ADK: variants seen among roughly 807,000 people sequenced by gnomAD.
ADK encodes the protein adenosine kinase.
A neutral mutation model predicts 44.7 loss-of-function variants in ADK; 24 were observed. The observed-to-expected ratio is 0.54, with a 90% CI of 0.39 to 0.76. The LOEUF (loss-of-function observed/expected upper bound fraction) is 0.76, where lower values mean the gene tolerates loss of function less well. Ranked by LOEUF, ADK falls within the 30% of genes least tolerant of loss-of-function variation. ADK has a pLI of 0.00. For synonymous variants in ADK, 128 were observed against 142.6 expected (o/e 0.90, Z 0.73); for missense variants, 321 against 425.1 (o/e 0.76, Z 2.15).
At chr10:74,178,127 G>A (rs994207470) in intron 1 of ADK, among the ~76,000 whole-genome samples, 5 of 151,946 alleles carry the variant, frequency 3.3e-5, no homozygotes, top group African/African-American at 9.7e-5. Context: ...TTTTAGTAGA[G>A]ATGGGGGTTT....
chr10:74,661,556 C>T (rs1259910676), intron 9 of ADK, among the ~76,000 whole-genome samples: 2 of 152,178 alleles, frequency 1.3e-5, no homozygotes, highest in Non-Finnish European at 2.9e-5. Flanking sequence ...TGTATCAAAT[C>T]CAAACTTTTG....
At chr10:74,541,947 G>A (rs186533809) in intron 7 of ADK, among the ~76,000 whole-genome samples, 50 of 152,062 alleles carry the variant, frequency 3.3e-4, no homozygotes, top group Admixed American at 8.5e-4. Context: ...TCACTTCAAA[G>A]TTACTATTTC....
chr10:74,668,882 C>CA (rs1157473095), intron 9 of ADK, among the ~76,000 whole-genome samples: 59 of 150,934 alleles, frequency 3.9e-4, no homozygotes, highest in Non-Finnish European at 7.4e-4. Flanking sequence ...ACCCGCCCCC[C>CA]AAAAAAAAGC....
chr10:74,537,468 A>ATTCTACAC (rs1307392237), intron 7 of ADK, among the ~76,000 whole-genome samples: 1 of 152,234 alleles, frequency 6.6e-6, no homozygotes, highest in Admixed American at 6.5e-5. Context: ...AATAAAGGAC[A>ATTCTACAC]TTCTACACAA....
chr10:74,329,372 C>T (rs1047129208), intron 4 of ADK, among the ~76,000 whole-genome samples: 1 of 152,126 alleles, frequency 6.6e-6, no homozygotes, highest in Admixed American at 6.6e-5. Context: ...CAAGTATGAA[C>T]TTGGGACTGT....
intron 2 of ADK, among the ~76,000 whole-genome samples, chr10:74,216,612 C>G (rs541037066): frequency 6.6e-6 from 1 of 151,304 alleles, no homozygotes; most frequent in South Asian, 2.1e-4. Flanking sequence ...GTAGTCCCAG[C>G]TATTTTGGGG....
intron 7 of ADK, among the ~76,000 whole-genome samples, chr10:74,547,029 T>G (rs1294062147): frequency 6.6e-6 from 1 of 152,206 alleles, no homozygotes; most frequent in Non-Finnish European, 1.5e-5. Flanking sequence ...CCACACATTT[T>G]TATTTGTTTT....
rs138194207 is a variant in ADK at position 74,225,691 on chromosome 10, A to G, written c.194+1100A>G. On this transcript the variant is annotated intron_variant, in intron 3 of 10. Coordinates refer to ENST00000539909, the MANE Select transcript of ADK (RefSeq NM_006721.4). The stretch of plus-strand genomic sequence containing the variant: ...GTTCTTACCGTTTACACATTCCACT[A>G]TTATGCTAACCTTTCATCAGTATTT... 1.2e-4 allele frequency among the ~76,000 whole-genome samples: 19 copies of G among 152,332 alleles called. No individual in the cohort carries two copies. The East Asian group carries it at 3.7e-3, about 29-fold the overall frequency.
intron 4 of ADK, among the ~76,000 whole-genome samples, chr10:74,386,182 T>C (rs1167999134): frequency 2.0e-5 from 3 of 152,280 alleles, no homozygotes; most frequent in South Asian, 2.1e-4. Flanking sequence ...AGTCTGCTTG[T>C]TGCTGTTTCT....
rs993028412 is a variant in ADK at position 74,471,949 on chromosome 10, T to C, written c.556-53307T>C. 2.0e-5 allele frequency among the ~76,000 whole-genome samples: 3 copies of C among 152,334 alleles called. 1 individual carries two copies. The Middle Eastern group carries it at 0.01, about 518-fold the overall frequency. ...TTTATACATACAAGATTGTGTTATCTAAAGAAATAATTCTACTTCTCTGTT... is the reference window on the plus strand; with the variant it reads ...TTTATACATACAAGATTGTGTTATCCAAAGAAATAATTCTACTTCTCTGTT... On this transcript the variant is annotated intron_variant, in intron 6 of 10. Transcript: ENST00000539909.
intron 3 of ADK, among the ~76,000 whole-genome samples, chr10:74,240,396 G>C (rs979130657): frequency 6.7e-6 from 1 of 148,562 alleles, no homozygotes; most frequent in African/African-American, 2.6e-5. Flanking sequence ...GTGTGTGTGT[G>C]TGTGTCTGTG....
chr10:74,265,706 G>C (rs1445293837), intron 3 of ADK, among the ~76,000 whole-genome samples: 1 of 152,068 alleles, frequency 6.6e-6, no homozygotes, highest in Non-Finnish European at 1.5e-5. Context: ...AATGCCATTT[G>C]TTTTCTTTTG....
intron 6 of ADK, among the ~76,000 whole-genome samples, chr10:74,416,590 G>A (rs571078745): frequency 6.8e-6 from 1 of 147,274 alleles, no homozygotes; most frequent in East Asian, 1.9e-4. Flanking sequence ...TGTCAATTGT[G>A]GTAAGTCCAT....
chr10:74,694,488 G>A (rs1036308430), intron 10 of ADK, among the ~76,000 whole-genome samples: 2 of 152,002 alleles, frequency 1.3e-5, no homozygotes, highest in Non-Finnish European at 2.9e-5. Flanking sequence ...TTTTTTGTTT[G>A]TTTGTTTTTT....
At chr10:74,247,224 G>GTTTTTTTTTTTTTTTTTTTTTTTTTTT (rs142274121) in intron 3 of ADK, among the ~76,000 whole-genome samples, 4 of 72,008 alleles carry the variant, frequency 5.6e-5, no homozygotes, top group South Asian at 5.9e-4. Context: ...TTTTTTTTAA[G>GTTTTTTTTTTTTTTTTTTTTTTTTTTT]TTTTTTTTTT....
intron 9 of ADK, among the ~76,000 whole-genome samples, chr10:74,624,998 T>C (rs762390424): frequency 2.0e-5 from 3 of 152,078 alleles, no homozygotes; most frequent in Admixed American, 6.6e-5. Context: ...AAGATACTTA[T>C]AGATAATGCA....
chr10:74,483,290 G>C (rs952221642), intron 6 of ADK, among the ~76,000 whole-genome samples: 9 of 152,136 alleles, frequency 5.9e-5, no homozygotes, highest in Non-Finnish European at 1.2e-4. Flanking sequence ...ATGTATCTGG[G>C]GCTCTTTTTT....
chr10:74,200,156 G>GTTTTTTTTTTTTTTTTTTTTTTTTTT (rs760622376), intron 1 of ADK, among the ~76,000 whole-genome samples: 2 of 99,274 alleles, frequency 2.0e-5, no homozygotes, highest in African/African-American at 8.3e-5. Flanking sequence ...GACACCATCT[G>GTTTTTTTTTTTTTTTTTTTTTTTTTT]TTTTTTTTTT....
At chr10:74,567,927 C>T (rs1850746836) in intron 7 of ADK, among the ~76,000 whole-genome samples, 1 of 152,004 alleles carries the variant, frequency 6.6e-6, no homozygotes, top group African/African-American at 2.4e-5. Context: ...TCTCAATCTC[C>T]TGACCTCGTA....
Sources: allele counts gnomAD v4.1 joint callset (sites outside exome capture counted in the v4.1 genomes callset), GRCh38; gene constraint gnomAD v4.1.1; transcripts MANE v1.5; gene names NCBI Gene and HGNC (gene_info 2026-07-23, HGNC 2026-07-21).